Variants in KIF13B observed in about 807,000 individuals in gnomAD.
KIF13B encodes the protein kinesin-like protein KIF13B.
Under a neutral mutation model 222.0 loss-of-function variants are expected in KIF13B, and 127 were observed. The ratio of observed to expected loss-of-function variants is 0.57; its 90% CI spans 0.50 to 0.66. The LOEUF (loss-of-function observed/expected upper bound fraction) is 0.66, where lower values mean the gene tolerates loss of function less well. Among genes scored for constraint, KIF13B ranks in the 30% least tolerant of loss-of-function variants. KIF13B has a pLI of 0.00. For missense variants in KIF13B, 2,173 were observed against 2,379.0 expected (o/e 0.91, Z 1.80); for synonymous variants, 976 against 919.0 (o/e 1.06, Z -1.12).
At chr8:29,231,327 C>T (rs1223950781) in intron 2 of KIF13B, among the ~76,000 whole-genome samples, 1 of 152,220 alleles carries the variant, frequency 6.6e-6, no homozygotes, top group Non-Finnish European at 1.5e-5. Context: ...TTTTCCTATA[C>T]TACTTATATA....
intron 2 of KIF13B, among the ~76,000 whole-genome samples, chr8:29,237,892 G>T (rs1283636432): frequency 2.0e-5 from 3 of 152,144 alleles, no homozygotes; most frequent in African/African-American, 7.2e-5. Flanking sequence ...AAAGGGAGAG[G>T]CTGAGGAATC....
At chr8:29,140,848 A>G (rs1810786789) in intron 19 of KIF13B, 2 of 408,570 alleles carry the variant, frequency 4.9e-6, no homozygotes, top group Non-Finnish European at 4.3e-6. Flanking sequence ...TCCTCCACCC[A>G]TGACAGAGCG....
intron 14 of KIF13B, among the ~76,000 whole-genome samples, chr8:29,155,409 G>A (rs1811476430): frequency 6.6e-6 from 1 of 152,176 alleles, no homozygotes; most frequent in Non-Finnish European, 1.5e-5. Context: ...TAAACTGGGG[G>A]GTTATAAGGG....
At chr8:29,109,325 A>G (rs1809244354) in intron 34 of KIF13B, 109 bp downstream of exon 34, 1 of 843,768 alleles carries the variant, frequency 1.2e-6, no homozygotes, top group Non-Finnish European at 2.0e-6. Flanking sequence ...AGTCCTGGCA[A>G]GGGAAGGGTT....
At position 29,071,221 on chromosome 8, in the gene KIF13B, C is replaced by T. The variant is rs568008686; in HGVS notation, c.5218+399G>A. 7.9e-5 allele frequency among the ~76,000 whole-genome samples: 12 copies of T among 152,064 alleles called. No homozygotes were observed. Among genetic ancestry groups the T allele is most frequent in the Non-Finnish European group, 1.5e-4 (10 of 67,994 alleles). ...AACTGGCAAAACTGCCAAATGAGGG[C>T]GAGTCAGAGGCCAGCGAGATGTGTC... On this transcript the variant is annotated intron_variant, in intron 39 of 39. Coordinates refer to ENST00000524189, the MANE Select transcript of KIF13B (RefSeq NM_015254.4). The surrounding 1 kb of genome is among the most constrained non-coding windows in gnomAD (Gnocchi z 4.9).
chr8:29,075,090 G>A (rs1395484691), intron 38 of KIF13B, among the ~76,000 whole-genome samples, 191 bp downstream of exon 38: 2 of 152,230 alleles, frequency 1.3e-5, no homozygotes, highest in African/African-American at 4.8e-5. Flanking sequence ...GCAATCATAT[G>A]ATTAACAAGT....
chr8:29,180,018 A>C, intron 8 of KIF13B, 86 bp downstream of exon 8: 1 of 1,466,724 alleles, frequency 6.8e-7, no homozygotes, highest in Non-Finnish European at 9.4e-7. Context: ...CCAGGACTTT[A>C]ATTCATCTAA....
At chr8:29,246,436 TAA>T (rs200070397) in intron 1 of KIF13B, among the ~76,000 whole-genome samples, 14,841 of 139,356 alleles carry the variant, frequency 0.11, 975 homozygotes, top group African/African-American at 0.19. Flanking sequence ...ATATATCAGT[TAA>T]AAAAAAAAAA....
chr8:29,173,820 T>A (rs1169600021), intron 10 of KIF13B, among the ~76,000 whole-genome samples: 1 of 151,672 alleles, frequency 6.6e-6, no homozygotes, highest in Non-Finnish European at 1.5e-5. Flanking sequence ...GGTGCGCACC[T>A]GTAATCCCAG....
At chr8:29,127,523 G>A (rs1366443474) in intron 24 of KIF13B, among the ~76,000 whole-genome samples, 1 of 152,068 alleles carries the variant, frequency 6.6e-6, no homozygotes, top group African/African-American at 2.4e-5. Context: ...AAAATTCTAA[G>A]AAAGGAAATG....
chr8:29,134,186 A>G lies in KIF13B; in HGVS notation c.2638T>C (p.Leu880=). The G allele has an allele frequency of 1.2e-6, 2 of 1,613,966 alleles. No homozygotes were observed. Among genetic ancestry groups the G allele is most frequent in the South Asian group, 1.1e-5 (1 of 91,068 alleles). The stretch of plus-strand genomic sequence containing the variant: ...ACAAAGTGGGACAGATGCTGTGGCA[A>G]CCCAGTAGCTTGCAGGATTTTAACC... ...CMVKILQATG[L]PQHLSHFVFC... is the part of the protein sequence containing the mutation. Residue 880 remains leucine, a synonymous_variant, in exon 22 of 40, where the codon TTG becomes CTG. Coordinates refer to ENST00000524189, the MANE Select transcript of KIF13B (RefSeq NM_015254.4).
rs1811166697 is a variant in KIF13B, at chr8:29,148,622, C to T, written c.1768G>A (p.Glu590Lys). Residue 590 changes from glutamate (E) to lysine (K), a missense_variant, in exon 16 of 40, where the codon GAA becomes AAA. Transcript: ENST00000524189. ...ATGGTGACCTCCATCTGTGCGTATT[C>T]GTAATTAAAGTTAACTTCACTGGAC... ...EVSSEVNFNY[E>K]YAQMEVTMKA... 1.2e-6 allele frequency: 2 copies of T among 1,612,642 alleles called. No homozygotes were observed. The highest frequency in any genetic ancestry group is 1.1e-5 in the South Asian group (1 of 90,626).
At chr8:29,207,146 C>T (rs2130451620) in intron 2 of KIF13B, among the ~76,000 whole-genome samples, 2 of 152,298 alleles carry the variant, frequency 1.3e-5, no homozygotes, top group African/African-American at 4.8e-5. Context: ...GCAAGGCTCT[C>T]CACAGCACCA....
At chr8:29,076,242 C>G (rs567112559) in intron 37 of KIF13B, among the ~76,000 whole-genome samples, 2 of 152,222 alleles carry the variant, frequency 1.3e-5, no homozygotes, top group African/African-American at 2.4e-5. Flanking sequence ...TCCCCCTCCC[C>G]CTACCCGACT....
intron 32 of KIF13B, among the ~76,000 whole-genome samples, chr8:29,111,807 A>G (rs905832861): frequency 7.2e-5 from 11 of 152,194 alleles, no homozygotes; most frequent in African/African-American, 2.7e-4. Context: ...AAACAACTGG[A>G]AAATATAGAA....
Position 29,128,053 on chromosome 8 carries a change from AAT to A in KIF13B, c.3076-787_3076-786del, listed in dbSNP as rs370227914. On this transcript the variant is annotated intron_variant, in intron 24 of 39. Transcript: ENST00000524189. Reference sequence around the variant, plus strand: ...TAAATATAAAAAATCAGTATCAGTAAATATATCAGTAAATATATTATGTAAAT... The same window carrying A: ...TAAATATAAAAAATCAGTATCAGTAAATATCAGTAAATATATTATGTAAAT... 9.2e-4 allele frequency among the ~76,000 whole-genome samples: 138 copies of A among 150,302 alleles called. No homozygotes were observed. In the East Asian group the frequency reaches 0.021, roughly 23 times the overall value.
Position 29,248,497 on chromosome 8 carries a change from G to C in KIF13B, c.56-3058C>G, listed in dbSNP as rs142823910. On this transcript the variant is annotated intron_variant, in intron 1 of 39. Transcript: ENST00000524189. The stretch of plus-strand genomic sequence containing the variant: ...TCACAAACATGGCAGAAGGCGAAAG[G>C]CACATCTCACATGGCAGCAGAGAAG... Among the ~76,000 whole-genome samples the C allele has an allele frequency of 5.3e-3, 806 of 152,310 alleles. 6 individuals carry two copies. Among genetic ancestry groups the C allele is most frequent in the African/African-American group, 0.018 (750 of 41,560 alleles).
Position 29,127,266 on chromosome 8 carries a change from C to T in KIF13B, c.3078G>A (p.Gly1026=). The part of the protein sequence containing the change: ...PTGGIFQLRQ[G]QSRRVQVEVK... ...CTTCGACTTGAACTCTCCGGGACTG[C>T]CCCTGGGTCACAGACAATTTAGAGT... is the stretch of plus-strand genomic sequence containing the variant. The change falls in exon 25 of 40, where the codon GGG becomes GGA. Residue 1026 remains glycine, a splice_region_variant and synonymous_variant. Transcript: ENST00000524189. 1.1e-5 allele frequency: 17 copies of T among 1,612,252 alleles called. No homozygotes were observed. Among genetic ancestry groups the T allele is most frequent in the Non-Finnish European group, 1.4e-5 (17 of 1,179,084 alleles).
At chr8:29,176,347 C>T (rs1453493848) in intron 9 of KIF13B, among the ~76,000 whole-genome samples, 168 bp from the exon 10 acceptor site, 1 of 152,158 alleles carries the variant, frequency 6.6e-6, no homozygotes, top group Non-Finnish European at 1.5e-5. Context: ...AGTTATTTTC[C>T]CCCAATACTA....
Sources: gnomAD v4.1 joint callset for allele counts (sites outside exome capture counted in the v4.1 genomes callset) on GRCh38, gnomAD v4.1.1 for gene constraint, Gnocchi (gnomAD v3.1) non-coding constraint, MANE v1.5 for transcripts, NCBI Gene and HGNC (gene_info 2026-07-23, HGNC 2026-07-21) for gene names.